KAZN: variants seen among roughly 807,000 people sequenced by gnomAD.
KAZN encodes kazrin, periplakin interacting protein, also known as kazrin.
Under a neutral mutation model 87.4 loss-of-function variants are expected in KAZN, and 40 were observed. The ratio of observed to expected loss-of-function variants is 0.46; its 90% CI spans 0.36 to 0.60. The LOEUF is 0.60. Ranked by LOEUF, KAZN falls within the 20% of genes least tolerant of loss-of-function variation. The probability of loss-of-function intolerance (pLI) is 0.00; values close to 1 mark genes in which losing one functional copy is unlikely to be tolerated. For synonymous variants in KAZN, 466 were observed against 458.3 expected (o/e 1.02, Z -0.22); for missense variants, 898 against 1,073.9 (o/e 0.84, Z 2.29).
chr1:13,923,249 A>G (rs955581783), intron 1 of KAZN, among the ~76,000 whole-genome samples: 32 of 152,350 alleles, frequency 2.1e-4, no homozygotes, highest in Middle Eastern at 3.4e-3. Context: ...AAGCTAGAGA[A>G]AAAAGGTTAT....
At chr1:14,546,350 C>A (rs1251502832) in intron 2 of KAZN, among the ~76,000 whole-genome samples, 3 of 152,146 alleles carry the variant, frequency 2.0e-5, no homozygotes, top group Non-Finnish European at 2.9e-5. Context: ...TCTTTTTCTT[C>A]CAAAGCTTAA....
chr1:14,616,473 A>G (rs902350172), intron 1 of KAZN, among the ~76,000 whole-genome samples: 15 of 136,690 alleles, frequency 1.1e-4, no homozygotes, highest in African/African-American at 3.8e-4. Flanking sequence ...GGTGATTTAG[A>G]AAAAAAAAAA....
intron 1 of KAZN, among the ~76,000 whole-genome samples, chr1:14,787,425 G>A (rs1737359): frequency 0.67 from 101,950 of 151,950 alleles, 34,678 homozygotes; most frequent in South Asian, 0.78. Flanking sequence ...TGGAATCCCT[G>A]CTCTCAGCTA....
chr1:13,955,574 G>T (rs1369023491), intron 1 of KAZN, among the ~76,000 whole-genome samples: 1 of 152,054 alleles, frequency 6.6e-6, no homozygotes. Context: ...TGTCTTTTGG[G>T]ATTATGGCCC....
At chr1:14,304,566 C>G (rs539199509) in intron 2 of KAZN, 1 of 398,280 alleles carries the variant, frequency 2.5e-6, no homozygotes, top group East Asian at 3.6e-5. Flanking sequence ...GGCCTTATGT[C>G]AAACATTGCT....
chr1:15,009,911 T>A (rs544634112), intron 2 of KAZN, among the ~76,000 whole-genome samples: 8 of 152,262 alleles, frequency 5.3e-5, no homozygotes, highest in South Asian at 2.1e-4. Context: ...TATTGTAATA[T>A]GTATCTATAA....
chr1:14,741,312 G>C (rs1388995219), intron 1 of KAZN, among the ~76,000 whole-genome samples: 1 of 152,210 alleles, frequency 6.6e-6, no homozygotes, highest in Non-Finnish European at 1.5e-5. Context: ...GCTCAATGTC[G>C]GGCATGAGGA....
rs138107543 is a variant in KAZN, at chr1:15,085,431, G to A, written c.1223-8749G>A. 1.7e-3 allele frequency among the ~76,000 whole-genome samples: 259 copies of A among 152,224 alleles called. 2 individuals carry two copies. The highest frequency in any genetic ancestry group is 5.9e-3 in the African/African-American group (247 of 41,526). ...CAACCTCCACCTCCCAGGTACAAGC[G>A]ATTCTCCTGCCTCAGCCTCCTGAGT... On this transcript the variant is annotated intron_variant, in intron 8 of 14. Coordinates refer to ENST00000376030, the MANE Select transcript of KAZN (RefSeq NM_201628.3).
intron 2 of KAZN, among the ~76,000 whole-genome samples, chr1:14,292,712 C>T (rs1289631528): frequency 1.3e-5 from 2 of 152,198 alleles, no homozygotes; most frequent in African/African-American, 4.8e-5. Context: ...CCTTTTTCAT[C>T]TGCGTGTTGG....
chr1:14,215,829 C>G (rs1202782143), intron 2 of KAZN, among the ~76,000 whole-genome samples: 8 of 152,110 alleles, frequency 5.3e-5, no homozygotes, highest in Non-Finnish European at 1.0e-4. Context: ...CTATAGAATC[C>G]AAGAACTAGA....
chr1:13,949,816 C>G (rs557581415), intron 1 of KAZN, among the ~76,000 whole-genome samples: 1 of 152,328 alleles, frequency 6.6e-6, no homozygotes, highest in East Asian at 1.9e-4. Flanking sequence ...TTCTCAACAT[C>G]CATCCTCTAA....
At chr1:14,611,389 G>T (rs538429549) in intron 1 of KAZN, among the ~76,000 whole-genome samples, 1 of 152,334 alleles carries the variant, frequency 6.6e-6, no homozygotes, top group South Asian at 2.1e-4. Flanking sequence ...GGATCAAAAT[G>T]TGTTGGGGCT....
At chr1:14,340,888 C>CTATTTTTTT (rs1657648004) in intron 2 of KAZN, among the ~76,000 whole-genome samples, 1 of 103,172 alleles carries the variant, frequency 9.7e-6, no homozygotes, top group Non-Finnish European at 1.8e-5. Flanking sequence ...ATGATTTTCC[C>CTATTTTTTT]TTTTTTTTTT....
At chr1:15,002,006 G>C (rs538746140) in intron 2 of KAZN, among the ~76,000 whole-genome samples, 8 of 146,198 alleles carry the variant, frequency 5.5e-5, no homozygotes. Flanking sequence ...TCAGCCTCCC[G>C]AGTAGCTGGG....
At chr1:14,387,899 G>A (rs1243856659) in intron 2 of KAZN, among the ~76,000 whole-genome samples, 4 of 152,206 alleles carry the variant, frequency 2.6e-5, no homozygotes, top group African/African-American at 4.8e-5. Context: ...AATGGCGGGC[G>A]CCCCTCTCCC....
At chr1:14,110,939 A>G (rs1488498906) in intron 1 of KAZN, among the ~76,000 whole-genome samples, 1 of 135,276 alleles carries the variant, frequency 7.4e-6, no homozygotes, top group Non-Finnish European at 1.6e-5. Flanking sequence ...TGAGATTACT[A>G]GAAACTTTTA....
rs144827668 is a variant in KAZN, at chr1:14,628,120, T to A, written c.226+28897T>A. On this transcript the variant is annotated intron_variant, in intron 1 of 14. Transcript: ENST00000376030. Reference sequence around the variant, plus strand: ...CTGCCTTTGCAATGGGACATCTCAGTCTCCATTGCTACAGACCGGGTACAG... The same window carrying A: ...CTGCCTTTGCAATGGGACATCTCAGACTCCATTGCTACAGACCGGGTACAG... 2.2e-3 allele frequency among the ~76,000 whole-genome samples: 330 copies of A among 152,286 alleles called. 2 individuals carry two copies. Among genetic ancestry groups the A allele is most frequent in the African/African-American group, 7.7e-3 (318 of 41,562 alleles).
chr1:14,125,181 G>A (rs1213723971), intron 1 of KAZN, among the ~76,000 whole-genome samples: 1 of 152,130 alleles, frequency 6.6e-6, no homozygotes, highest in Non-Finnish European at 1.5e-5. Flanking sequence ...GTGCTCTGTG[G>A]GATGTTTGGC....
At chr1:14,317,540 T>C (rs190340837) in intron 2 of KAZN, among the ~76,000 whole-genome samples, 8 of 152,146 alleles carry the variant, frequency 5.3e-5, no homozygotes, top group Non-Finnish European at 7.4e-5. Flanking sequence ...ATTTATTATA[T>C]GTGTGTGCTG....
Sources: allele counts gnomAD v4.1 joint callset (sites outside exome capture counted in the v4.1 genomes callset), GRCh38; gene constraint gnomAD v4.1.1; transcripts MANE v1.5; gene names NCBI Gene and HGNC (gene_info 2026-07-23, HGNC 2026-07-21).